ZFHX3: variants seen among roughly 807,000 people sequenced by gnomAD.
ZFHX3 encodes zinc finger homeobox 3.
A neutral mutation model predicts 279.1 loss-of-function variants in ZFHX3; 42 were observed. The ratio of observed to expected loss-of-function variants is 0.15; its 90% CI spans 0.12 to 0.19. The LOEUF (loss-of-function observed/expected upper bound fraction) is 0.19, where lower values mean the gene tolerates loss of function less well. Ranked by LOEUF, ZFHX3 falls within the 10% of genes least tolerant of loss-of-function variation. ZFHX3 has a pLI of 1.00. For synonymous variants in ZFHX3, 2,293 were observed against 1,957.8 expected (o/e 1.17, Z -4.52); for missense variants, 4,981 against 4,754.0 (o/e 1.05, Z -1.40).
At chr16:73,133,473 A>G (rs1474981348) in intron 6 of ZFHX3, among the ~76,000 whole-genome samples, 1 of 152,182 alleles carries the variant, frequency 6.6e-6, no homozygotes, top group East Asian at 1.9e-4. Context: ...AGAGGTCATT[A>G]GGGTAAATTG....
intron 2 of ZFHX3, among the ~76,000 whole-genome samples, chr16:73,599,364 A>G (rs1171671674): frequency 6.6e-6 from 1 of 152,208 alleles, no homozygotes; most frequent in African/African-American, 2.4e-5. Flanking sequence ...TCAATCTAAA[A>G]CCAGGACCAG....
rs1464393853 is a variant in ZFHX3 at position 73,128,214 on chromosome 16, T to C, written c.-897+2754A>G. On this transcript the variant is annotated intron_variant, in intron 7 of 17. Coordinates refer to the ZFHX3 transcript ENST00000641206. ...GTTTTAGAATCCTGTCTCTACCAGTTGTTACTATTTGGGTGATTTGGTCTA... is the reference window on the plus strand; with the variant it reads ...GTTTTAGAATCCTGTCTCTACCAGTCGTTACTATTTGGGTGATTTGGTCTA... Among the ~76,000 whole-genome samples the C allele has an allele frequency of 2.0e-5, 3 of 152,356 alleles. No homozygotes were observed. In the East Asian group the frequency reaches 5.8e-4, roughly 29 times the overall value.
chr16:73,590,773 C>T (rs1164486649), intron 2 of ZFHX3, among the ~76,000 whole-genome samples: 4 of 152,100 alleles, frequency 2.6e-5, no homozygotes, highest in African/African-American at 9.7e-5. Flanking sequence ...TAGGATATTG[C>T]CATTTCACAA....
chr16:73,038,173 G>C (rs1384791091), intron 1 of ZFHX3, among the ~76,000 whole-genome samples: 2 of 152,044 alleles, frequency 1.3e-5, no homozygotes, highest in Non-Finnish European at 2.9e-5. Flanking sequence ...TTAACCTGAA[G>C]CATTAGTCTG....
intron 2 of ZFHX3, among the ~76,000 whole-genome samples, chr16:73,494,639 C>A (rs1207787728): frequency 6.6e-6 from 1 of 152,098 alleles, no homozygotes; most frequent in Non-Finnish European, 1.5e-5. Context: ...CGGCTCACCG[C>A]AACCTCCGCC....
chr16:72,786,309 C>T lies in ZFHX3; in HGVS notation c.*855G>A, dbSNP rs188602625. On this transcript the variant is annotated 3_prime_UTR_variant, in exon 10 of 10. Coordinates refer to ENST00000268489, the MANE Select transcript of ZFHX3 (RefSeq NM_006885.4). ...TTCATTTCCAATGCAACAATCTACT[C>T]AACACCAAAAATGGTCATATCTATC... The T allele has an allele frequency of 6.6e-6, 1 of 150,868 alleles. No homozygotes were observed. Among genetic ancestry groups the T allele is most frequent in the African/African-American group, 2.4e-5 (1 of 41,030 alleles). 9.3% of individuals were successfully genotyped at this position (150,868 alleles called of 1,614,324 possible).
chr16:73,860,773 T>C (rs1267401503), intron 1 of ZFHX3, among the ~76,000 whole-genome samples: 1 of 152,124 alleles, frequency 6.6e-6, no homozygotes, highest in Non-Finnish European at 1.5e-5. Flanking sequence ...TTGTCATTCC[T>C]TTGGAAGTGA....
intron 9 of ZFHX3, among the ~76,000 whole-genome samples, chr16:72,792,356 C>T (rs990682015): frequency 1.3e-5 from 2 of 152,160 alleles, no homozygotes; most frequent in African/African-American, 2.4e-5. Flanking sequence ...CTGGTCAGTG[C>T]ACTCAAGTAG....
intron 7 of ZFHX3, among the ~76,000 whole-genome samples, chr16:73,109,799 A>G (rs1275188697): frequency 6.6e-6 from 1 of 152,116 alleles, no homozygotes; most frequent in Non-Finnish European, 1.5e-5. Flanking sequence ...CAGTGAGCCA[A>G]GATCAAACCA....
intron 1 of ZFHX3, among the ~76,000 whole-genome samples, chr16:73,832,129 G>T (rs1414264759): frequency 6.6e-6 from 1 of 152,100 alleles, no homozygotes; most frequent in Non-Finnish European, 1.5e-5. Context: ...TTGAACTCCT[G>T]ACCTTGCAGT....
At chr16:73,062,731 A>G (rs371488502), upstream of ZFHX3, among the ~76,000 whole-genome samples, 5 of 144,528 alleles carry the variant, frequency 3.5e-5, no homozygotes, top group South Asian at 4.5e-4. Context: ...AAAAAAAAAA[A>G]GGAAGAAAAA....
chr16:73,004,211 C>T (rs1485135810), intron 1 of ZFHX3, among the ~76,000 whole-genome samples: 12 of 118,712 alleles, frequency 1.0e-4, no homozygotes, highest in Non-Finnish European at 1.8e-4. Flanking sequence ...CACTATGTTG[C>T]CCAGGCTGGT....
intron 3 of ZFHX3, among the ~76,000 whole-genome samples, chr16:73,415,119 A>G (rs2017545603): frequency 1.3e-5 from 2 of 152,140 alleles, no homozygotes; most frequent in South Asian, 2.1e-4. Context: ...TTTCTCTCTC[A>G]GTTTTTTATT....
At chr16:72,829,666 A>G in intron 5 of ZFHX3, 113 bp downstream of exon 5, 1 of 1,167,398 alleles carries the variant, frequency 8.6e-7, no homozygotes, top group Non-Finnish European at 1.3e-6. Flanking sequence ...TGGGCAGACT[A>G]AGGATGTATC....
chr16:73,527,581 T>C (rs983755383), intron 2 of ZFHX3, among the ~76,000 whole-genome samples: 1 of 152,194 alleles, frequency 6.6e-6, no homozygotes, highest in Non-Finnish European at 1.5e-5. Flanking sequence ...TTCAGTCGAA[T>C]AGAATATGGC....
chr16:73,519,297 T>G (rs541322937), intron 2 of ZFHX3, among the ~76,000 whole-genome samples: 1 of 152,366 alleles, frequency 6.6e-6, no homozygotes, highest in Middle Eastern at 3.4e-3. Flanking sequence ...TTCAGTTATC[T>G]GGGATTAAAC....
At chr16:73,107,135 C>A (rs1405322697) in intron 7 of ZFHX3, among the ~76,000 whole-genome samples, 1 of 152,014 alleles carries the variant, frequency 6.6e-6, no homozygotes, top group Non-Finnish European at 1.5e-5. Flanking sequence ...TGGCGAAATG[C>A]TGTCTCTACT....
rs2144454361 is a variant in ZFHX3 at position 72,959,640 on chromosome 16, A to G, written c.506T>C (p.Leu169Pro). The change falls in exon 2 of 10, where the codon CTT becomes CCT. Residue 169 changes from leucine to proline, a missense_variant. By Grantham distance (98) the Leu-to-Pro change is moderately conservative. This residue lies in a region of ZFHX3 where 1,068 missense variants were observed against 935.2 expected (regional missense o/e 1.14). Coordinates refer to ENST00000268489, the MANE Select transcript of ZFHX3 (RefSeq NM_006885.4). The stretch of plus-strand genomic sequence containing the variant: ...CGCGCCAGGGAGAGAGTTCAGGAAA[A>G]GCGAGGGGAGAGGCCCACTGCCACT... ...SGSGSGPLPSLFLNSLPGAGG... is the reference protein window; with the variant it reads ...SGSGSGPLPSPFLNSLPGAGG... 2 of 1,614,026 alleles carry G rather than the reference A, an allele frequency of 1.2e-6. No homozygotes were observed. The highest frequency in any genetic ancestry group is 1.7e-6 in the Non-Finnish European group (2 of 1,180,010).
At position 72,797,266 on chromosome 16, in the gene ZFHX3, C is replaced by T. The variant is rs1192573766; in HGVS notation, c.5416G>A (p.Glu1806Lys). ...LLFPFYIPSA[E>K]FQLNPEVSLP... ...CTCACCTCGGGGTTAAGCTGGAACT[C>T]AGCACTGGGGATGTAGAAAGGGAAG... The change falls in exon 9 of 10, where the codon GAG becomes AAG. Residue 1806 changes from glutamate (E) to lysine (K), a missense_variant. Transcript: ENST00000268489. The T allele has an allele frequency of 1.2e-6, 2 of 1,612,526 alleles. No individual in the cohort carries two copies. Among genetic ancestry groups the T allele is most frequent in the African/African-American group, 1.3e-5 (1 of 74,958 alleles).
Sources: allele counts gnomAD v4.1 joint callset (sites outside exome capture counted in the v4.1 genomes callset), GRCh38; gene constraint gnomAD v4.1.1; regional missense constraint gnomAD v4.1.1; transcripts MANE v1.5; gene names NCBI Gene and HGNC (gene_info 2026-07-23, HGNC 2026-07-21).